SDK1: variants seen among roughly 807,000 people sequenced by gnomAD.
SDK1 encodes protein sidekick-1.
SDK1 carries 157 observed loss-of-function variants against 245.5 expected under a neutral mutation model. The ratio of observed to expected loss-of-function variants is 0.64; its 90% CI spans 0.56 to 0.73. The LOEUF (loss-of-function observed/expected upper bound fraction) is 0.73. SDK1 is among the 30% of genes least tolerant of loss of function. The pLI, the probability that SDK1 is intolerant of heterozygous loss-of-function variation, is 0.00. For synonymous variants in SDK1, 1,647 were observed against 1,278.5 expected (o/e 1.29, Z -6.15); for missense variants, 3,583 against 3,002.3 (o/e 1.19, Z -4.52).
chr7:3,930,242 G>A lies in SDK1; in HGVS notation c.848-20681G>A, dbSNP rs571459114. Among the ~76,000 whole-genome samples, 4 of 152,180 alleles carry A rather than the reference G, an allele frequency of 2.6e-5. No homozygotes were observed. The South Asian group carries it at 8.3e-4, about 32-fold the overall frequency. The stretch of plus-strand genomic sequence containing the variant: ...TCCACTTTCAGGAACAAGGAGCTGA[G>A]TAACTCACCACGTGCTGGAAAACAT... On this transcript the variant is annotated intron_variant, in intron 5 of 44. Transcript: ENST00000404826.
intron 1 of SDK1, among the ~76,000 whole-genome samples, chr7:3,532,931 C>T (rs1783398154): frequency 6.6e-6 from 1 of 152,036 alleles, no homozygotes; most frequent in Non-Finnish European, 1.5e-5. Context: ...CACCATGCAT[C>T]GGCACTCAGA....
intron 17 of SDK1, among the ~76,000 whole-genome samples, chr7:4,038,278 C>T (rs576210834): frequency 7.2e-5 from 11 of 152,230 alleles, no homozygotes; most frequent in Non-Finnish European, 1.6e-4. Context: ...GTCCTGGCCT[C>T]CCCACTTCCT....
At chr7:3,444,942 C>G (rs1562490300) in intron 1 of SDK1, among the ~76,000 whole-genome samples, 1 of 152,140 alleles carries the variant, frequency 6.6e-6, no homozygotes, top group South Asian at 2.1e-4. Flanking sequence ...TTCCTACTTA[C>G]AAACTACTTT....
At chr7:3,519,905 C>T (rs763949639) in intron 1 of SDK1, among the ~76,000 whole-genome samples, 1 of 152,052 alleles carries the variant, frequency 6.6e-6, no homozygotes, top group African/African-American at 2.4e-5. Flanking sequence ...TGTGTATAAA[C>T]TAGAAAGCCA....
chr7:4,175,712 CATCACCTGCG>C (rs1782161071), intron 33 of SDK1, 53 bp from the exon 34 acceptor site: 2 of 1,358,922 alleles, frequency 1.5e-6, no homozygotes. Context: ...TCCTGCCGCA[CATCACCTGCG>C]ATGGCCGTGT....
intron 1 of SDK1, among the ~76,000 whole-genome samples, chr7:3,583,302 A>G (rs1780573934): frequency 6.6e-6 from 1 of 152,138 alleles, no homozygotes; most frequent in Non-Finnish European, 1.5e-5. Flanking sequence ...TAGTAAACAA[A>G]TTTTCAGTGC....
chr7:3,636,571 G>C (rs1020895945), intron 2 of SDK1, among the ~76,000 whole-genome samples: 1 of 152,116 alleles, frequency 6.6e-6, no homozygotes, highest in Non-Finnish European at 1.5e-5. Flanking sequence ...ATATTCCATC[G>C]TGTGTATACA....
intron 25 of SDK1, among the ~76,000 whole-genome samples, chr7:4,119,967 C>A (rs1783956879): frequency 6.7e-6 from 1 of 148,568 alleles, no homozygotes; most frequent in Non-Finnish European, 1.5e-5. Context: ...ATTAAGGTAC[C>A]ATTTCTTAAA....
chr7:3,645,330 A>T (rs990352925), intron 4 of SDK1, among the ~76,000 whole-genome samples: 1 of 152,182 alleles, frequency 6.6e-6, no homozygotes, highest in Non-Finnish European at 1.5e-5. Context: ...TTTTAAAGAG[A>T]TGAGATGAGG....
chr7:3,986,911 CT>C (rs1783891937), intron 13 of SDK1, among the ~76,000 whole-genome samples: 1 of 152,188 alleles, frequency 6.6e-6, no homozygotes, highest in Non-Finnish European at 1.5e-5. Context: ...TCCCCTCCCC[CT>C]ATTTATGTGA....
chr7:4,178,924 C>G (rs1014159402), intron 35 of SDK1, among the ~76,000 whole-genome samples: 3 of 152,224 alleles, frequency 2.0e-5, no homozygotes, highest in African/African-American at 7.2e-5. Flanking sequence ...ACCTCGTTAT[C>G]TGGAGGGGCA....
At position 3,783,649 on chromosome 7, in the gene SDK1, A is replaced by C. The variant is rs557716305; in HGVS notation, c.714-37801A>C. ...CGAAAATTACTTAGGAATAAGTTCA[A>C]ACAAAGGAGTGAAGACCTTTACACT... is the stretch of plus-strand genomic sequence containing the variant. On this transcript the variant is annotated intron_variant, in intron 4 of 44. Coordinates refer to ENST00000404826, the MANE Select transcript of SDK1 (RefSeq NM_152744.4). Among the ~76,000 whole-genome samples the C allele has an allele frequency of 5.9e-5, 9 of 152,362 alleles. No homozygotes were observed. In the South Asian group the frequency reaches 1.4e-3, roughly 25 times the overall value.
At chr7:4,002,233 C>CT (rs1269977686) in intron 14 of SDK1, among the ~76,000 whole-genome samples, 2 of 76,214 alleles carry the variant, frequency 2.6e-5, no homozygotes, top group Non-Finnish European at 4.9e-5. Flanking sequence ...GTGCCCGTCT[C>CT]TGAGTCTGGG....
chr7:3,319,878 C>CTTTTTTTTTGTTTTTTTTTTTTT (rs1779755357), intron 1 of SDK1, among the ~76,000 whole-genome samples: 1 of 88,102 alleles, frequency 1.1e-5, no homozygotes, highest in Non-Finnish European at 2.2e-5. Context: ...CATTCTTAGT[C>CTTTTTTTTTGTTTTTTTTTTTTT]TTTTTTTTTT....
intron 4 of SDK1, among the ~76,000 whole-genome samples, chr7:3,740,588 C>T (rs1779450828): frequency 6.6e-6 from 1 of 152,092 alleles, no homozygotes; most frequent in African/African-American, 2.4e-5. Context: ...CTGTACTATC[C>T]CCCTTAGTGG....
chr7:4,036,333 GT>G (rs566844047), intron 17 of SDK1, among the ~76,000 whole-genome samples: 168 of 152,252 alleles, frequency 1.1e-3, no homozygotes, highest in Admixed American at 3.2e-3. Context: ...GTAATGAATG[GT>G]TTTGTGATCG....
At chr7:3,470,180 A>G (rs1378540290) in intron 1 of SDK1, among the ~76,000 whole-genome samples, 3 of 152,164 alleles carry the variant, frequency 2.0e-5, no homozygotes, top group Non-Finnish European at 2.9e-5. Context: ...AAAAATTTCC[A>G]AGATCCATAT....
rs911746450 is a variant in SDK1 at position 3,627,118 on chromosome 7, A to G, written c.458+7879A>G. On this transcript the variant is annotated intron_variant, in intron 2 of 44. Transcript: ENST00000404826. ...AATTCTTTTATTTTTCTGTAGACAC[A>G]GGGTTTCACTATGTTGCCGAGGCTC... 5.3e-5 allele frequency among the ~76,000 whole-genome samples: 8 copies of G among 152,132 alleles called. No homozygotes were observed. The East Asian group carries it at 1.5e-3, about 29-fold the overall frequency.
intron 4 of SDK1, among the ~76,000 whole-genome samples, chr7:3,672,796 A>ATATATCTATATATATATATAT (rs1554307151): frequency 1.9e-5 from 1 of 53,416 alleles, no homozygotes; most frequent in Non-Finnish European, 3.4e-5. Context: ...TATATATATA[A>ATATATCTATATATATATATAT]AAAATACAGA....
Sources: gnomAD v4.1 joint callset for allele counts (sites outside exome capture counted in the v4.1 genomes callset) on GRCh38, gnomAD v4.1.1 for gene constraint, MANE v1.5 for transcripts, NCBI Gene and HGNC (gene_info 2026-07-23, HGNC 2026-07-21) for gene names.